Variants in SND1 observed in about 807,000 individuals in gnomAD.
SND1 encodes staphylococcal nuclease domain-containing protein 1.
A neutral mutation model predicts 121.7 loss-of-function variants in SND1; 38 were observed. That is an observed-to-expected ratio of 0.31 (90% CI 0.24 to 0.41). SND1 has a LOEUF of 0.41. SND1 is among the 10% of genes least tolerant of loss of function. The pLI is 1.00. For missense variants in SND1, 868 were observed against 1,184.6 expected, an observed-to-expected ratio of 0.73 and a Z score of 3.92; for synonymous variants, 401 against 447.4, an observed-to-expected ratio of 0.90 and a Z score of 1.31.
intron 16 of SND1, among the ~76,000 whole-genome samples, chr7:127,996,994 T>C (rs1251992289): frequency 6.6e-6 from 1 of 152,232 alleles, no homozygotes; most frequent in African/African-American, 2.4e-5. Context: ...ACTCCTGTCT[T>C]AATAGCGATC....
rs571246448 is a variant in SND1, at chr7:128,076,504, G to T, written c.1968+1814G>T. On this transcript the variant is annotated intron_variant, in intron 17 of 23. Transcript: ENST00000354725. ...GGCTGGCTTTCTTCCTCCTGGAGGG[G>T]CTGTTTCCCAGGAGCAGCACTAGCA... 2.4e-4 allele frequency among the ~76,000 whole-genome samples: 37 copies of T among 152,272 alleles called. No homozygotes were observed. The South Asian group carries it at 7.5e-3, about 31-fold the overall frequency.
intron 15 of SND1, among the ~76,000 whole-genome samples, chr7:127,947,857 T>C (rs1313240884): frequency 2.6e-5 from 4 of 152,216 alleles, no homozygotes; most frequent in African/African-American, 7.2e-5. Flanking sequence ...CAGTGAATAG[T>C]ATGGATTTTA....
chr7:127,803,303 C>G (rs1315863951), intron 10 of SND1, among the ~76,000 whole-genome samples: 2 of 152,178 alleles, frequency 1.3e-5, no homozygotes, highest in Non-Finnish European at 2.9e-5. Flanking sequence ...CACCCCTGTT[C>G]CCTTTCCTGC....
chr7:127,854,454 T>C (rs1447574213), intron 12 of SND1, among the ~76,000 whole-genome samples: 1 of 152,100 alleles, frequency 6.6e-6, no homozygotes, highest in Non-Finnish European at 1.5e-5. Context: ...CATATCTGTC[T>C]TTCTCTTATT....
At chr7:127,743,045 T>C (rs888281240) in intron 10 of SND1, among the ~76,000 whole-genome samples, 8 of 151,046 alleles carry the variant, frequency 5.3e-5, no homozygotes, top group Non-Finnish European at 1.2e-4. Context: ...CCACCCCCAT[T>C]TTATTCTTGC....
intron 15 of SND1, among the ~76,000 whole-genome samples, chr7:127,974,546 G>C (rs1802070012): frequency 6.6e-6 from 1 of 152,112 alleles, no homozygotes; most frequent in Admixed American, 6.5e-5. Context: ...CACTTTTTAT[G>C]CCGGTCCAAA....
chr7:127,939,620 A>G (rs962872546), intron 15 of SND1, among the ~76,000 whole-genome samples: 1 of 152,156 alleles, frequency 6.6e-6, no homozygotes, highest in Admixed American at 6.5e-5. Context: ...TGTGGCATTT[A>G]TGTGCCAGCC....
chr7:127,707,484 A>G (rs749608226), intron 8 of SND1, 73 bp from the exon 9 acceptor site: 17 of 1,199,532 alleles, frequency 1.4e-5, no homozygotes, highest in African/African-American at 6.0e-5. Context: ...TGCTGCACCA[A>G]CTGTGCTCCC....
chr7:128,091,767 C>T, intron 22 of SND1, 70 bp from the exon 23 acceptor site: 1 of 1,535,740 alleles, frequency 6.5e-7, no homozygotes, highest in Non-Finnish European at 9.0e-7. Flanking sequence ...CCTAAGCATT[C>T]TGCAGGGTCC....
intron 15 of SND1, among the ~76,000 whole-genome samples, chr7:127,959,058 A>G (rs977220798): frequency 2.0e-5 from 3 of 152,172 alleles, no homozygotes; most frequent in East Asian, 1.9e-4. Context: ...TGTTGTTATT[A>G]AACTGGCTAA....
At chr7:127,734,221 T>G (rs1279015437) in intron 10 of SND1, among the ~76,000 whole-genome samples, 2 of 152,130 alleles carry the variant, frequency 1.3e-5, no homozygotes, top group Admixed American at 6.5e-5. Flanking sequence ...CATGTCCCTC[T>G]TAGCTTAGAA....
At chr7:127,945,921 T>A (rs1801319076) in intron 15 of SND1, among the ~76,000 whole-genome samples, 1 of 152,190 alleles carries the variant, frequency 6.6e-6, no homozygotes. Flanking sequence ...GCAGAGCATA[T>A]TTTCTTGATC....
intron 12 of SND1, among the ~76,000 whole-genome samples, chr7:127,856,098 A>G (rs1799267702): frequency 6.6e-6 from 1 of 152,248 alleles, no homozygotes; most frequent in African/African-American, 2.4e-5. Flanking sequence ...TCCTTAAGAC[A>G]GTAATGATTG....
chr7:128,073,944 C>T (rs1369870295), intron 16 of SND1, among the ~76,000 whole-genome samples: 3 of 152,194 alleles, frequency 2.0e-5, no homozygotes, highest in Non-Finnish European at 2.9e-5. Flanking sequence ...GCGGGATTGT[C>T]ACTCACTGCC....
chr7:127,744,318 T>C (rs1029144485), intron 10 of SND1, among the ~76,000 whole-genome samples: 1 of 152,158 alleles, frequency 6.6e-6, no homozygotes, highest in Non-Finnish European at 1.5e-5. Context: ...ACCACCCAGA[T>C]GACCTGCTTA....
chr7:127,942,208 C>T (rs1359528709), intron 15 of SND1, among the ~76,000 whole-genome samples: 8 of 151,984 alleles, frequency 5.3e-5, no homozygotes, highest in African/African-American at 1.5e-4. Flanking sequence ...TTACTTGACA[C>T]TGCAAGGGGA....
In SND1 at chr7:127,762,314, G is replaced by A. The variant is rs578016201; in HGVS notation, c.1152+40914G>A. Among the ~76,000 whole-genome samples the A allele has an allele frequency of 2.0e-5, 3 of 152,282 alleles. No homozygotes were observed. The South Asian group carries it at 6.2e-4, about 32-fold the overall frequency. On this transcript the variant is annotated intron_variant, in intron 10 of 23. Coordinates refer to ENST00000354725, the MANE Select transcript of SND1 (RefSeq NM_014390.4). The stretch of plus-strand genomic sequence containing the variant: ...CAGAGGCTGGAAGTCCAAAATCAAA[G>A]TGCCTCTTGTTGTCCCTTGGTCTCA...
At chr7:127,656,194 G>C (rs968200747) in intron 1 of SND1, among the ~76,000 whole-genome samples, 10 of 152,302 alleles carry the variant, frequency 6.6e-5, no homozygotes, top group East Asian at 1.9e-4. Flanking sequence ...GCAAGATGTA[G>C]ACTTCTTGCT....
chr7:128,019,439 G>T (rs187359704), intron 16 of SND1, among the ~76,000 whole-genome samples: 2 of 152,334 alleles, frequency 1.3e-5, no homozygotes, highest in Non-Finnish European at 2.9e-5. Flanking sequence ...TTGCTTAGGA[G>T]TGGGAATCAT....
Sources: allele counts gnomAD v4.1 joint callset (sites outside exome capture counted in the v4.1 genomes callset), GRCh38; gene constraint gnomAD v4.1.1; transcripts MANE v1.5; gene names NCBI Gene and HGNC (gene_info 2026-07-23, HGNC 2026-07-21).